OSR2: variants seen among roughly 807,000 people sequenced by gnomAD.
OSR2 encodes odd-skipped related transciption factor 2.
In OSR2, 8 loss-of-function variants were observed where a neutral mutation model predicts 22.3. The ratio of observed to expected loss-of-function variants is 0.36; its 90% CI spans 0.21 to 0.65. OSR2 has a LOEUF of 0.65. OSR2 is among the 30% of genes least tolerant of loss of function. The pLI is 0.66. For synonymous variants in OSR2, 179 were observed against 173.8 expected (o/e 1.03, Z -0.23); for missense variants, 311 against 413.4 (o/e 0.75, Z 2.15).
At chr8:98,951,083 C>T in intron 3 of OSR2, 1 of 525,738 alleles carries the variant, frequency 1.9e-6, no homozygotes, top group Non-Finnish European at 3.3e-6. Context: ...TAGTGAAATC[C>T]CATACGTTCT....
rs772842012 is a variant in OSR2, at chr8:98,949,181, G to A, written c.229G>A (p.Gly77Ser). 5 of 1,599,092 alleles carry A rather than the reference G, an allele frequency of 3.1e-6. No individual in the cohort carries two copies. Among genetic ancestry groups the A allele is most frequent in the Non-Finnish European group, 4.3e-6 (5 of 1,172,466 alleles). The change falls in exon 2 of 4, where the codon GGC (glycine) becomes AGC (serine). Residue 77 changes from glycine to serine, a missense_variant. Physicochemically the swap from Gly to Ser is moderately conservative, Grantham distance 56. This residue lies in a region of OSR2 where 146 missense variants were observed against 160.5 expected (regional missense o/e 0.91). Transcript: ENST00000297565. This position sits in a 1 kb window ranked among gnomAD's most constrained non-coding sequence, Gnocchi z 5.9. ...STITEMAAAQ[G>S]LVDARFPFPA... ...CATCACGGAGATGGCGGCGGCGCAG[G>A]GCCTCGTGGACGCGCGCTTCCCCTT...
Position 98,951,862 on chromosome 8 carries a change from G to T in OSR2, c.*161G>T, listed in dbSNP as rs1840794672. The T allele has an allele frequency of 3.0e-6, 2 of 657,310 alleles. No homozygotes were observed. The highest frequency in any genetic ancestry group is 1.8e-5 in the African/African-American group (1 of 54,890). 40.7% of individuals were successfully genotyped at this position (657,310 alleles called of 1,614,324 possible). A position where few individuals can be genotyped will look rare whatever the true frequency, so the allele number is the denominator to read the frequency against. On this transcript the variant is annotated 3_prime_UTR_variant, in exon 4 of 4. Transcript: ENST00000297565. ...CAGGGAGTTAACTCTTCTTCTGGGG[G>T]ACTGAGAACTGTAGAAAGCCACACA...
chr8:98,951,774 G>T lies in OSR2; in HGVS notation c.*73G>T. The T allele has an allele frequency of 6.8e-7, 1 of 1,480,168 alleles. No homozygotes were observed. Among genetic ancestry groups the T allele is most frequent in the Non-Finnish European group, 9.1e-7 (1 of 1,102,046 alleles). 91.7% of individuals were successfully genotyped at this position (1,480,168 alleles called of 1,614,324 possible). ...ACCTCTCCACGTCTCCTACCCAGGG[G>T]GTCGCATCCCTAGCCCTTCACTGAC... On this transcript the variant is annotated 3_prime_UTR_variant, in exon 4 of 4. Transcript: ENST00000297565.
intron 1 of OSR2, chr8:98,946,129 A>G (rs551572673): frequency 3.9e-5 from 6 of 152,388 alleles, no homozygotes; most frequent in African/African-American, 1.4e-4. Flanking sequence ...ATTCCTGTGA[A>G]GAAGACTGAT....
In OSR2 at chr8:98,948,946, C is replaced by T. The variant is rs749531321; in HGVS notation, c.-7C>T. On this transcript the variant is annotated 5_prime_UTR_variant, in exon 2 of 4. Coordinates refer to ENST00000297565, the MANE Select transcript of OSR2 (RefSeq NM_001142462.3). The surrounding 1 kb of genome is among the most constrained non-coding windows in gnomAD (Gnocchi z 6.0). The stretch of plus-strand genomic sequence containing the variant: ...TGGTCCCCTCAGCACCCCCAGCATC[C>T]CGGAAAATGGGGAGCAAGGCTCTGC... 2 of 1,613,940 alleles carry T rather than the reference C, an allele frequency of 1.2e-6. No homozygotes were observed. Among genetic ancestry groups the T allele is most frequent in the Middle Eastern group, 1.6e-4 (1 of 6,062 alleles).
intron 2 of OSR2, among the ~76,000 whole-genome samples, chr8:98,950,049 G>A (rs1331153965): frequency 2.7e-5 from 4 of 146,180 alleles, no homozygotes; most frequent in Non-Finnish European, 4.5e-5. Context: ...CTTTTAAGCT[G>A]TATTTGTGGG....
chr8:98,951,458 T>C (rs1292619961), intron 3 of OSR2, 61 bp from the exon 4 acceptor site: 15 of 1,454,272 alleles, frequency 1.0e-5, no homozygotes, highest in East Asian at 2.5e-5. Context: ...ACAGAAACTA[T>C]TGAAAAGGGT....
chr8:98,946,438 C>A (rs1840616792), intron 1 of OSR2: 1 of 152,192 alleles, frequency 6.6e-6, no homozygotes, highest in Non-Finnish European at 1.5e-5. Context: ...GTGGCAAGAG[C>A]CATTGGTGGA....
In OSR2 at chr8:98,948,263, G is replaced by T. The variant is rs986588923; in HGVS notation, c.-114-576G>T. On this transcript the variant is annotated intron_variant, in intron 1 of 3. Transcript: ENST00000297565. This position sits in a 1 kb window ranked among gnomAD's most constrained non-coding sequence, Gnocchi z 6.0. ...CTCCCAGGGCCCTCTGGCCCAGGAGGATGAAGCGCGCCGGCTTCGCTCTTG... is the reference window on the plus strand; with the variant it reads ...CTCCCAGGGCCCTCTGGCCCAGGAGTATGAAGCGCGCCGGCTTCGCTCTTG... The T allele has an allele frequency of 2.0e-6, 3 of 1,510,112 alleles. No individual in the cohort carries two copies. Among genetic ancestry groups the T allele is most frequent in the Non-Finnish European group, 2.7e-6 (3 of 1,131,340 alleles). 93.5% of individuals were successfully genotyped at this position (1,510,112 alleles called of 1,614,324 possible).
Position 98,948,220 on chromosome 8 carries a change from G to A in OSR2, c.-114-619G>A. ...GAAAAAGAAAACCTCCGAGGTCAGT[G>A]CGGGGCGAGGTGAGCCCCTCCCAGG... On this transcript the variant is annotated intron_variant, in intron 1 of 3. Coordinates refer to ENST00000297565, the MANE Select transcript of OSR2 (RefSeq NM_001142462.3). This position sits in a 1 kb window ranked among gnomAD's most constrained non-coding sequence, Gnocchi z 6.0. 2.1e-6 allele frequency: 3 copies of A among 1,463,060 alleles called. No individual in the cohort carries two copies. The highest frequency in any genetic ancestry group is 2.7e-6 in the Non-Finnish European group (3 of 1,109,516). 90.6% of individuals were successfully genotyped at this position (1,463,060 alleles called of 1,614,324 possible). A position where few individuals can be genotyped will look rare whatever the true frequency, so the allele number is the denominator to read the frequency against.
In OSR2 at chr8:98,951,784, C is replaced by G; in HGVS notation, c.*83C>G. 1.4e-6 allele frequency: 2 copies of G among 1,410,890 alleles called. No individual in the cohort carries two copies. The highest frequency in any genetic ancestry group is 2.5e-4 in the Middle Eastern group (1 of 3,976). 87.4% of individuals were successfully genotyped at this position (1,410,890 alleles called of 1,614,324 possible). ...GTCTCCTACCCAGGGGGTCGCATCC[C>G]TAGCCCTTCACTGACCCCAGCTCTT... On this transcript the variant is annotated 3_prime_UTR_variant, in exon 4 of 4. Transcript: ENST00000297565.
At chr8:98,951,413 G>GAA (rs1170156596) in intron 3 of OSR2, 106 bp from the exon 4 acceptor site, 1 of 1,076,526 alleles carries the variant, frequency 9.3e-7, no homozygotes, top group Non-Finnish European at 1.3e-6. Flanking sequence ...TTGTTGTCAT[G>GAA]AGAGTGTTAT....
At chr8:98,945,598 AG>A (rs914363983) in intron 1 of OSR2, among the ~76,000 whole-genome samples, 1 of 152,184 alleles carries the variant, frequency 6.6e-6, no homozygotes, top group Admixed American at 6.5e-5. Flanking sequence ...TTACTCACGC[AG>A]GGGGAGCAAG....
chr8:98,945,262 A>T (rs1840572716), intron 1 of OSR2, among the ~76,000 whole-genome samples: 1 of 152,248 alleles, frequency 6.6e-6, no homozygotes. Context: ...GCACATTTCA[A>T]GAGGGAAATA....
Position 98,949,280 on chromosome 8 carries a change from C to A in OSR2, c.328C>A (p.His110Asn). The A allele has an allele frequency of 6.2e-7, 1 of 1,613,132 alleles. No individual in the cohort carries two copies. The highest frequency in any genetic ancestry group is 8.5e-7 in the Non-Finnish European group (1 of 1,179,346). ...GAIAHVLPAL[H>N]KDRPRFDFAN... is the part of the protein sequence containing the mutation. ...CATTGCCCACGTCCTCCCAGCCCTG[C>A]ACAAGGACCGGCCCCGTTTTGACTT... Residue 110 changes from histidine to asparagine, a missense_variant, in exon 2 of 4, where the codon CAC becomes AAC. By Grantham distance (68) the His-to-Asn change is moderately conservative (BLOSUM62 1). Transcript: ENST00000297565. The surrounding 1 kb of genome is among the most constrained non-coding windows in gnomAD (Gnocchi z 5.9).
At chr8:98,947,776 C>A (rs941161062) in intron 1 of OSR2, among the ~76,000 whole-genome samples, 4 of 152,168 alleles carry the variant, frequency 2.6e-5, no homozygotes, top group African/African-American at 9.7e-5. Context: ...TGCAAGCCAG[C>A]AGGGCCACTC....
At position 98,951,670 on chromosome 8, in the gene OSR2, GC is replaced by G. The variant is rs1840786224; in HGVS notation, c.910del (p.Leu304Ter). ...FRRNCDLRRH[S>X]LTHTPRQDF ...CGAAACTGTGATCTGCGGCGGCACA[GC>G]CTGACTCACACCCCGCGGCAGGACT... is the stretch of plus-strand genomic sequence containing the variant. On this transcript the variant is annotated frameshift_variant, in exon 4 of 4. Coordinates refer to ENST00000297565, the MANE Select transcript of OSR2 (RefSeq NM_001142462.3). LOFTEE classifies it high-confidence loss of function. 1 of 1,613,634 alleles carries G rather than the reference GC, an allele frequency of 6.2e-7. No individual in the cohort carries two copies. The highest frequency in any genetic ancestry group is 1.3e-5 in the African/African-American group (1 of 74,902).
Position 98,951,628 on chromosome 8 carries a change from G to A in OSR2, c.866G>A (p.Cys289Tyr). 6.2e-7 allele frequency: 1 copy of A among 1,613,974 alleles called. No individual in the cohort carries two copies. Among genetic ancestry groups the A allele is most frequent in the Non-Finnish European group, 8.5e-7 (1 of 1,179,872 alleles). ...TDIKPYSCEQ[C>Y]GKVFRRNCDL... The stretch of plus-strand genomic sequence containing the variant: ...ATCAAGCCCTACAGCTGCGAGCAGT[G>A]CGGCAAAGTGTTCAGGCGAAACTGT... Residue 289 changes from cysteine to tyrosine, a missense_variant, in exon 4 of 4, where the codon TGC becomes TAC. By Grantham distance (194) the Cys-to-Tyr change is radical (BLOSUM62 -2). Around this residue, in one of 5 missense-constraint regions of OSR2, gnomAD observed 70 missense variants for 84.5 expected, o/e 0.83. Transcript: ENST00000297565.
intron 1 of OSR2, among the ~76,000 whole-genome samples, chr8:98,947,177 T>C (rs1840632392): frequency 6.6e-6 from 1 of 151,186 alleles, no homozygotes; most frequent in African/African-American, 2.4e-5. Flanking sequence ...CACCTCTCAT[T>C]AACTCTTAGC....
Sources: allele counts gnomAD v4.1 joint callset (sites outside exome capture counted in the v4.1 genomes callset), GRCh38; gene constraint gnomAD v4.1.1; regional missense constraint gnomAD v4.1.1; non-coding constraint Gnocchi (gnomAD v3.1); transcripts MANE v1.5; gene names NCBI Gene and HGNC (gene_info 2026-07-23, HGNC 2026-07-21).